The following AGBL1 variants were observed in gnomAD, a reference collection of about 807,000 sequenced individuals.
AGBL1 encodes the protein AGBL carboxypeptidase 1.
Under a neutral mutation model 118.9 loss-of-function variants are expected in AGBL1, and 130 were observed. The ratio of observed to expected loss-of-function variants is 1.09; its 90% CI spans 0.95 to 1.26. The LOEUF is 1.26. Among genes scored for constraint, AGBL1 ranks in the 50% most tolerant of loss-of-function variants. The pLI is 0.00. For missense variants in AGBL1, 1,584 were observed against 1,298.1 expected (o/e 1.22, Z -3.38); for synonymous variants, 555 against 478.9 (o/e 1.16, Z -2.08).
chr15:86,356,355 T>TTTGTGC (rs1555471270), intron 17 of AGBL1, among the ~76,000 whole-genome samples: 1 of 150,906 alleles, frequency 6.6e-6, no homozygotes. Context: ...TGTGTGTGTG[T>TTTGTGC]GCGCGTGCGC....
intron 19 of AGBL1, among the ~76,000 whole-genome samples, chr15:86,526,390 A>T (rs2083262245): frequency 6.6e-6 from 1 of 151,920 alleles, no homozygotes; most frequent in African/African-American, 2.4e-5. Context: ...TAAAAAAGTT[A>T]TTGTATTAAA....
chr15:86,148,715 C>G (rs60676038), intron 3 of AGBL1, among the ~76,000 whole-genome samples: 22,603 of 152,152 alleles, frequency 0.15, 2,158 homozygotes, highest in East Asian at 0.27. Context: ...AGGATATTAT[C>G]CAGGAGAACT....
intron 21 of AGBL1, among the ~76,000 whole-genome samples, chr15:86,589,930 AT>A (rs2084309116): frequency 6.6e-6 from 1 of 152,204 alleles, no homozygotes; most frequent in Admixed American, 6.5e-5. Context: ...AGTAAAATAT[AT>A]TCTCTACATA....
intron 17 of AGBL1, among the ~76,000 whole-genome samples, chr15:86,327,235 G>A (rs1033950903): frequency 3.3e-5 from 5 of 152,158 alleles, no homozygotes; most frequent in African/African-American, 1.2e-4. Flanking sequence ...CATGACAAGG[G>A]AGTGGCAAAA....
intron 24 of AGBL1, among the ~76,000 whole-genome samples, chr15:86,999,841 C>T (rs1399743718): frequency 7.8e-6 from 1 of 127,480 alleles, no homozygotes; most frequent in Admixed American, 8.2e-5. Flanking sequence ...ACAGTCCCAC[C>T]AACAGTGTAA....
chr15:86,844,826 TGATA>T (rs2079296487), intron 22 of AGBL1, among the ~76,000 whole-genome samples: 1 of 152,160 alleles, frequency 6.6e-6, no homozygotes, highest in African/African-American at 2.4e-5. Flanking sequence ...CATCTGAGTT[TGATA>T]GTTTTTGCTC....
chr15:86,854,278 G>C (rs1213315868), intron 22 of AGBL1, among the ~76,000 whole-genome samples: 2 of 152,150 alleles, frequency 1.3e-5, no homozygotes, highest in Admixed American at 6.6e-5. Context: ...TCAGAGCTCT[G>C]CTTGGGTTCT....
chr15:86,641,808 G>T (rs1036084235), intron 21 of AGBL1, among the ~76,000 whole-genome samples: 7 of 152,118 alleles, frequency 4.6e-5, no homozygotes, highest in African/African-American at 1.7e-4. Context: ...AACTATTTTT[G>T]CAGCAATGCT....
At chr15:86,808,811 C>T (rs2078751833) in intron 22 of AGBL1, among the ~76,000 whole-genome samples, 2 of 150,664 alleles carry the variant, frequency 1.3e-5, no homozygotes, top group Non-Finnish European at 2.9e-5. Flanking sequence ...GTTTCTTTAA[C>T]TGCTTGCAAT....
intron 9 of AGBL1, among the ~76,000 whole-genome samples, chr15:86,258,751 G>A (rs1438534437): frequency 1.3e-5 from 2 of 152,060 alleles, no homozygotes; most frequent in African/African-American, 4.8e-5. Context: ...CGTGTCACCA[G>A]GCTGGAGTGC....
intron 22 of AGBL1, among the ~76,000 whole-genome samples, chr15:86,799,179 T>G (rs1184873762): frequency 6.6e-6 from 1 of 151,806 alleles, no homozygotes; most frequent in Non-Finnish European, 1.5e-5. Flanking sequence ...TACTTTATTT[T>G]ATTTTATTAT....
chr15:86,612,511 C>A (rs907424048), intron 21 of AGBL1, among the ~76,000 whole-genome samples: 1 of 151,928 alleles, frequency 6.6e-6, no homozygotes, highest in African/African-American at 2.4e-5. Context: ...CAACAGTGAC[C>A]GGCATTAAAA....
intron 22 of AGBL1, among the ~76,000 whole-genome samples, chr15:86,770,450 A>G (rs1281975385): frequency 6.6e-6 from 1 of 152,004 alleles, no homozygotes; most frequent in East Asian, 1.9e-4. Context: ...CTTAGAATTC[A>G]CAAGCCAGTT....
chr15:86,364,047 C>G (rs1373553249), intron 17 of AGBL1, among the ~76,000 whole-genome samples: 7 of 152,170 alleles, frequency 4.6e-5, no homozygotes, highest in Non-Finnish European at 1.5e-5. Context: ...TGCCTATTAT[C>G]TCTCCTCTGA....
chr15:86,708,345 G>A (rs1229687815), intron 22 of AGBL1, among the ~76,000 whole-genome samples: 13 of 152,046 alleles, frequency 8.6e-5, no homozygotes, highest in African/African-American at 2.4e-5. Flanking sequence ...CTCTCTGCAG[G>A]TGTACACAAG....
chr15:86,385,973 TC>T (rs544480338), intron 17 of AGBL1, among the ~76,000 whole-genome samples: 575 of 13,458 alleles, frequency 0.043, 83 homozygotes, highest in East Asian at 0.27. Context: ...TCCCCCCTCC[TC>T]CCCTCTCCCT....
chr15:86,701,663 T>TA (rs1244527744), intron 22 of AGBL1, among the ~76,000 whole-genome samples: 2 of 132,822 alleles, frequency 1.5e-5, no homozygotes, highest in Admixed American at 1.5e-4. Context: ...CCCTCTCCAT[T>TA]TTTTCCCTCC....
chr15:86,553,791 G>C (rs2083694408), intron 20 of AGBL1, among the ~76,000 whole-genome samples: 1 of 152,154 alleles, frequency 6.6e-6, no homozygotes, highest in Non-Finnish European at 1.5e-5. Flanking sequence ...AAAGATTATG[G>C]AGTTGGCCAG....
chr15:86,456,461 C>T (rs1273941056), intron 18 of AGBL1, among the ~76,000 whole-genome samples: 1 of 152,120 alleles, frequency 6.6e-6, no homozygotes, highest in Non-Finnish European at 1.5e-5. Flanking sequence ...AATGACCAGG[C>T]AGCATGGGCA....
Sources: allele counts gnomAD v4.1 joint callset (sites outside exome capture counted in the v4.1 genomes callset), GRCh38; gene constraint gnomAD v4.1.1; transcripts MANE v1.5; gene names NCBI Gene and HGNC (gene_info 2026-07-23, HGNC 2026-07-21).